The following HSP90AA1 variants were observed in gnomAD, a reference collection of about 807,000 sequenced individuals.
HSP90AA1 encodes heat shock protein 90 alpha family class A member 1, also known as heat shock protein HSP 90-alpha.
In HSP90AA1, 18 loss-of-function variants were observed where a neutral mutation model predicts 73.3. The ratio of observed to expected loss-of-function variants is 0.25; its 90% confidence interval spans 0.17 to 0.36. The LOEUF (loss-of-function observed/expected upper bound fraction) is 0.36. Ranked by LOEUF, HSP90AA1 falls within the 10% of genes least tolerant of loss-of-function variation. HSP90AA1 has a pLI of 1.00. For synonymous variants in HSP90AA1, 477 were observed against 296.9 expected, an observed-to-expected ratio of 1.61 and a Z score of -6.24; for missense variants, 704 against 874.2, an observed-to-expected ratio of 0.81 and a Z score of 2.45.
chr14:102,093,593 A>G (rs992116617), intron 2 of HSP90AA1, among the ~76,000 whole-genome samples: 1 of 151,982 alleles, frequency 6.6e-6, no homozygotes, highest in Non-Finnish European at 1.5e-5. Context: ...TGGTCCTGCC[A>G]CTCGCTGGCT....
chr14:102,083,425 GTTAA>G, intron 8 of HSP90AA1, 117 bp downstream of exon 8: 4 of 1,416,484 alleles, frequency 2.8e-6, no homozygotes, highest in East Asian at 2.3e-5. Context: ...CCTAGTTCAT[GTTAA>G]TTATCTTGCC....
At chr14:102,087,671 G>A (rs561916964), upstream of HSP90AA1, among the ~76,000 whole-genome samples, 1 of 152,296 alleles carries the variant, frequency 6.6e-6, no homozygotes, top group South Asian at 2.1e-4. Context: ...GCGCACTGGG[G>A]AGGCTGTCCC....
chr14:102,095,686 A>T (rs930581008), intron 2 of HSP90AA1, among the ~76,000 whole-genome samples: 1 of 152,064 alleles, frequency 6.6e-6, no homozygotes, highest in Non-Finnish European at 1.5e-5. Context: ...CTCACCTTCA[A>T]ATCTTCTGAG....
intron 6 of HSP90AA1, 176 bp downstream of exon 6, chr14:102,084,223 T>C (rs2049167540): frequency 1.0e-5 from 7 of 694,044 alleles, no homozygotes; most frequent in Non-Finnish European, 1.7e-5. Flanking sequence ...ATTTTTGTAA[T>C]TTAGTAGAGA....
chr14:102,086,039 T>G lies in HSP90AA1; in HGVS notation c.248A>C (p.Asn83Thr). 1 of 1,613,946 alleles carries G rather than the reference T, an allele frequency of 6.2e-7. No homozygotes were observed. Among genetic ancestry groups the G allele is most frequent in the East Asian group, 2.2e-5 (1 of 44,890 alleles). The change falls in exon 3 of 11, where the codon AAC becomes ACC. Residue 83 changes from asparagine to threonine, a missense_variant. Transcript: ENST00000216281. ...GKELHINLIP[N>T]KQDRTLTIVD... ...AATAGTGAGAGTTCGATCTTGTTTGTTCGGTATAAGGTTAATATGCAGCTC... is the reference window on the plus strand; with the variant it reads ...AATAGTGAGAGTTCGATCTTGTTTGGTCGGTATAAGGTTAATATGCAGCTC...
rs570165476 is a variant in HSP90AA1 at position 102,118,899 on chromosome 14, G to A, written c.156-16814C>T. ...GACAAAGTCTCATTTCTATCATTCC[G>A]GCTGGAGTGTAGTGGTGCAATCTCG... On this transcript the variant is annotated intron_variant, in intron 1 of 11. Coordinates refer to the HSP90AA1 transcript ENST00000334701. Among the ~76,000 whole-genome samples the A allele has an allele frequency of 5.6e-5, 8 of 143,432 alleles. No homozygotes were observed. In the South Asian group the frequency reaches 6.5e-4, roughly 12 times the overall value. 94.1% of individuals were successfully genotyped at this position (143,432 alleles called of 152,430 possible).
intron 3 of HSP90AA1, 60 bp downstream of exon 3, chr14:102,085,694 TCCAA>T: frequency 6.2e-7 from 1 of 1,608,416 alleles, no homozygotes; most frequent in East Asian, 2.2e-5. Context: ...TCCCCAGGGG[TCCAA>T]GGGTTGCAGC....
intron 1 of HSP90AA1, among the ~76,000 whole-genome samples, chr14:102,131,927 T>A (rs1463290404): frequency 1.3e-5 from 2 of 152,164 alleles, no homozygotes; most frequent in Middle Eastern, 3.2e-3. Context: ...ATGTAGCATA[T>A]GTAGTCACTC....
chr14:102,088,987 A>G (rs1032595041), upstream of HSP90AA1, among the ~76,000 whole-genome samples: 3 of 143,252 alleles, frequency 2.1e-5, no homozygotes, highest in Non-Finnish European at 4.4e-5. Context: ...GCTCACTGCA[A>G]CCTGCTCACT....
At chr14:102,089,780 C>A (rs2049328937), upstream of HSP90AA1, among the ~76,000 whole-genome samples, 1 of 152,176 alleles carries the variant, frequency 6.6e-6, no homozygotes, top group Non-Finnish European at 1.5e-5. Flanking sequence ...ATCCCCACAA[C>A]GGATCTGGCA....
chr14:102,107,231 C>T (rs776219396), intron 1 of HSP90AA1, among the ~76,000 whole-genome samples: 5 of 151,978 alleles, frequency 3.3e-5, no homozygotes, highest in South Asian at 2.1e-4. Context: ...CCTGGCCTGC[C>T]GCACATCCTA....
chr14:102,101,927 G>A (rs780973927), exon 2 of HSP90AA1: 35 of 1,614,050 alleles, frequency 2.2e-5, no homozygotes, highest in Non-Finnish European at 2.7e-5. Flanking sequence ...GTGTTGCCCT[G>A]CACCTTGGCT....
intron 1 of HSP90AA1, among the ~76,000 whole-genome samples, chr14:102,124,148 T>A (rs982505038): frequency 1.1e-4 from 17 of 152,020 alleles, no homozygotes; most frequent in African/African-American, 3.9e-4. Flanking sequence ...TAGTTACTAT[T>A]TGACAGAGAA....
chr14:102,094,407 C>T (rs982969853), intron 2 of HSP90AA1, among the ~76,000 whole-genome samples: 10 of 152,162 alleles, frequency 6.6e-5, no homozygotes, highest in East Asian at 1.9e-4. Flanking sequence ...CCATTGTGGT[C>T]GAGGCAGGCA....
intron 1 of HSP90AA1, among the ~76,000 whole-genome samples, chr14:102,111,621 T>C (rs980211217): frequency 4.6e-5 from 7 of 152,240 alleles, no homozygotes; most frequent in East Asian, 3.8e-4. Flanking sequence ...ATTGAAACCC[T>C]GCATGTCCCA....
chr14:102,090,660 C>T (rs150148758), upstream of HSP90AA1, among the ~76,000 whole-genome samples: 3,264 of 152,280 alleles, frequency 0.021, 46 homozygotes, highest in Non-Finnish European at 0.033. Flanking sequence ...ACCGTGTTAG[C>T]CAGGATGGTC....
In HSP90AA1 at chr14:102,081,043, C is replaced by T. The variant is rs1260637479; in HGVS notation, c.*669G>A. 8.3e-5 allele frequency: 19 copies of T among 227,752 alleles called. No homozygotes were observed. The East Asian group carries it at 1.2e-3, about 14-fold the overall frequency. 14.1% of individuals were successfully genotyped at this position (227,752 alleles called of 1,614,324 possible). A position where few individuals can be genotyped will look rare whatever the true frequency, so the allele number is the denominator to read the frequency against. On this transcript the variant is annotated 3_prime_UTR_variant, in exon 11 of 11. Transcript: ENST00000216281. ...TCCCCCTAAATAAGACACTGTCACA[C>T]AATATCTTTTAACTCATCTGTATTT...
chr14:102,083,385 TACCTAGGCAGAA>T, intron 8 of HSP90AA1, 83 bp from the exon 9 acceptor site: 4 of 1,506,020 alleles, frequency 2.7e-6, no homozygotes, highest in South Asian at 1.1e-5. Context: ...GCTAGCCAGA[TACCTAGGCAGAA>T]CCTAAGACAG....
rs1446849553 is a variant in HSP90AA1 at position 102,081,579 on chromosome 14, T to C, written c.*133A>G. 5.9e-6 allele frequency: 4 copies of C among 677,932 alleles called. No homozygotes were observed. The highest frequency in any genetic ancestry group is 1.1e-5 in the Non-Finnish European group (4 of 371,192). 42.0% of individuals were successfully genotyped at this position (677,932 alleles called of 1,614,324 possible). ...CATCACTTAGTAGACAGAAATCTTA[T>C]CTTCCCCTTAAAGTAGTTGTCATGC... On this transcript the variant is annotated 3_prime_UTR_variant, in exon 11 of 11. Transcript: ENST00000216281.
Sources: allele counts gnomAD v4.1 joint callset (sites outside exome capture counted in the v4.1 genomes callset), GRCh38; gene constraint gnomAD v4.1.1; transcripts MANE v1.5; gene names NCBI Gene and HGNC (gene_info 2026-07-23, HGNC 2026-07-21).